BRWD1: variants seen among roughly 807,000 people sequenced by gnomAD.
BRWD1 encodes the protein bromodomain and WD repeat-containing protein 1.
Under a neutral mutation model 251.2 loss-of-function variants are expected in BRWD1, and 82 were observed. That is an observed-to-expected ratio of 0.33 (90% confidence interval 0.27 to 0.39). BRWD1 has a LOEUF of 0.39. BRWD1 is among the 10% of genes least tolerant of loss of function. The pLI, the probability that BRWD1 is intolerant of heterozygous loss-of-function variation, is 1.00. For synonymous variants in BRWD1, 918 were observed against 902.8 expected (o/e 1.02, Z -0.30); for missense variants, 2,233 against 2,711.6 (o/e 0.82, Z 3.92).
rs544257319 is a variant in BRWD1, at chr21:39,237,188, T to C, written c.2577-404A>G. On this transcript the variant is annotated intron_variant, in intron 22 of 40. Transcript: ENST00000342449. ...CCCCATGTTGGAGGAAGCTGAGGTA[T>C]AGACCAGGAATTTCAACTGGAATCA... Among the ~76,000 whole-genome samples the C allele has an allele frequency of 3.9e-4, 59 of 152,240 alleles. 1 individual carries two copies. The South Asian group carries it at 0.011, about 29-fold the overall frequency.
chr21:39,294,061 G>T, intron 7 of BRWD1, 29 bp from the exon 8 acceptor site: 3 of 1,562,418 alleles, frequency 1.9e-6, no homozygotes, highest in Non-Finnish European at 2.6e-6. Flanking sequence ...AAAAATTAAT[G>T]TTAGTACAGC....
At chr21:39,224,142 G>A (rs1004388737) in intron 29 of BRWD1, among the ~76,000 whole-genome samples, 3 of 152,170 alleles carry the variant, frequency 2.0e-5, no homozygotes, top group East Asian at 1.9e-4. Context: ...GAGCCATGGC[G>A]CCCAGCCAGG....
At chr21:39,255,549 T>C (rs1458335603) in intron 19 of BRWD1, 96 bp downstream of exon 19, 2 of 1,019,720 alleles carry the variant, frequency 2.0e-6, no homozygotes, top group Non-Finnish European at 2.9e-6. Context: ...ATTTATACAA[T>C]TATTTACACA....
At chr21:39,288,036 G>A (rs567566578) in intron 8 of BRWD1, among the ~76,000 whole-genome samples, 5 of 152,260 alleles carry the variant, frequency 3.3e-5, no homozygotes, top group African/African-American at 2.4e-5. Context: ...TCAAGGCTGA[G>A]AGATGCAGTC....
intron 10 of BRWD1, among the ~76,000 whole-genome samples, chr21:39,278,082 G>A (rs1194444218): frequency 6.6e-6 from 1 of 152,018 alleles, no homozygotes; most frequent in African/African-American, 2.4e-5. Flanking sequence ...TTCCTGGGCT[G>A]AAGCAATCCT....
chr21:39,231,694 C>G (rs1365188869), intron 25 of BRWD1, among the ~76,000 whole-genome samples: 2 of 152,174 alleles, frequency 1.3e-5, no homozygotes, highest in Non-Finnish European at 2.9e-5. Flanking sequence ...GTTAACAAAC[C>G]AACATCTTTG....
intron 40 of BRWD1, 40 bp from the exon 41 acceptor site, chr21:39,197,455 G>T: frequency 6.9e-7 from 1 of 1,449,354 alleles, no homozygotes; most frequent in Non-Finnish European, 9.3e-7. Flanking sequence ...TCTTTTGTAA[G>T]TCTAAAGGAA....
rs2031420683 is a variant in BRWD1 at position 39,189,305 on chromosome 21, A to C, written c.*6954T>G. Reference sequence around the variant, plus strand: ...AACCTATTCATCCAGACAAATAGATAAAATTCTATTTCAACTACAATTTGT... The same window carrying C: ...AACCTATTCATCCAGACAAATAGATCAAATTCTATTTCAACTACAATTTGT... On this transcript the variant is annotated 3_prime_UTR_variant, in exon 41 of 41. Coordinates refer to ENST00000342449, the MANE Select transcript of BRWD1 (RefSeq NM_033656.4). 2.0e-6 allele frequency: 2 copies of C among 984,818 alleles called. No homozygotes were observed. Among genetic ancestry groups the C allele is most frequent in the East Asian group, 2.3e-4 (2 of 8,804 alleles). The allele number at this position is 984,818 out of a possible 1,614,324, so 61.0% of individuals were successfully genotyped here. A position where few individuals can be genotyped will look rare whatever the true frequency, so the allele number is the denominator to read the frequency against.
At chr21:39,242,597 A>T (rs2034041947) in intron 21 of BRWD1, among the ~76,000 whole-genome samples, 3 of 152,360 alleles carry the variant, frequency 2.0e-5, no homozygotes, top group Non-Finnish European at 4.4e-5. Context: ...TGAAATAAAT[A>T]GCCTTCTATT....
At chr21:39,282,836 G>A (rs1197321059) in intron 8 of BRWD1, among the ~76,000 whole-genome samples, 2 of 151,740 alleles carry the variant, frequency 1.3e-5, no homozygotes, top group African/African-American at 2.4e-5. Flanking sequence ...GTGGGCGCCT[G>A]TAATCCCAAC....
At chr21:39,311,115 G>C (rs547781600) in intron 4 of BRWD1, among the ~76,000 whole-genome samples, 1 of 151,680 alleles carries the variant, frequency 6.6e-6, no homozygotes, top group Non-Finnish European at 1.5e-5. Context: ...TTAAACAATA[G>C]TAAGTAGGGT....
Position 39,296,374 on chromosome 21 carries a change from A to T in BRWD1, c.350-11T>A. ...CTGTGTGCCTGCAGTCTTTAAAATG[A>T]ATTTTAGATACACATAAAATCTTGA... On this transcript the variant is annotated splice_polypyrimidine_tract_variant and intron_variant, in intron 5 of 40. Coordinates refer to ENST00000342449, the MANE Select transcript of BRWD1 (RefSeq NM_033656.4). 6.4e-7 allele frequency: 1 copy of T among 1,551,052 alleles called. No individual in the cohort carries two copies. The highest frequency in any genetic ancestry group is 2.3e-5 in the East Asian group (1 of 42,862).
chr21:39,212,576 T>C (rs942976423), intron 34 of BRWD1, 90 bp downstream of exon 34: 36 of 1,060,400 alleles, frequency 3.4e-5, no homozygotes, highest in East Asian at 1.2e-4. Context: ...TACACTGATA[T>C]AACTTTTCAA....
chr21:39,276,297 C>A, intron 11 of BRWD1, 84 bp from the exon 12 acceptor site: 3 of 1,284,058 alleles, frequency 2.3e-6, no homozygotes, highest in Middle Eastern at 2.0e-4. Flanking sequence ...ATGCTAGAAG[C>A]CTATTTGCTT....
At position 39,194,592 on chromosome 21, in the gene BRWD1, C is replaced by A. The variant is rs1437834278; in HGVS notation, c.*1667G>T. The A allele has an allele frequency of 1.1e-5, 16 of 1,483,810 alleles. No individual in the cohort carries two copies. The highest frequency in any genetic ancestry group is 1.4e-5 in the Non-Finnish European group (16 of 1,121,658). The allele number at this position is 1,483,810 out of a possible 1,614,324, so 91.9% of individuals were successfully genotyped here. ...GTTGATAATGTCCAAAAACATCCTT[C>A]CCCATGCATCAGAGTAGAAAGAAAA... On this transcript the variant is annotated 3_prime_UTR_variant, in exon 41 of 41. Transcript: ENST00000342449.
chr21:39,290,859 C>T (rs895340823), intron 8 of BRWD1, among the ~76,000 whole-genome samples: 4 of 152,032 alleles, frequency 2.6e-5, no homozygotes, highest in Non-Finnish European at 2.9e-5. Context: ...CAGCAAGGCA[C>T]GGTGGCTCAG....
chr21:39,276,307 T>C, intron 11 of BRWD1, 94 bp from the exon 12 acceptor site: 1 of 1,137,882 alleles, frequency 8.8e-7, no homozygotes, highest in Non-Finnish European at 1.2e-6. Flanking sequence ...CCTATTTGCT[T>C]TAACAAGCAA....
chr21:39,210,228 G>A lies in BRWD1; in HGVS notation c.4045-81C>T, dbSNP rs536013061. The A allele has an allele frequency of 3.9e-5, 46 of 1,186,356 alleles. No individual in the cohort carries two copies. In the African/African-American group the frequency reaches 6.4e-4, roughly 17 times the overall value. The allele number at this position is 1,186,356 out of a possible 1,614,324, so 73.5% of individuals were successfully genotyped here. ...TAAATGCATCAGATCTCTAAAAAAT[G>A]TGAAATGATGGAAGAGAGGAAAAGG... is the stretch of plus-strand genomic sequence containing the variant. On this transcript the variant is annotated intron_variant, in intron 35 of 40. Coordinates refer to ENST00000342449, the MANE Select transcript of BRWD1 (RefSeq NM_033656.4).
chr21:39,302,736 C>CA (rs1443401381), intron 4 of BRWD1, among the ~76,000 whole-genome samples: 1 of 132,304 alleles, frequency 7.6e-6, no homozygotes, highest in African/African-American at 3.0e-5. Flanking sequence ...TCCTAGGTGA[C>CA]AGAGTGAGAC....
Sources: allele counts gnomAD v4.1 joint callset (sites outside exome capture counted in the v4.1 genomes callset), GRCh38; gene constraint gnomAD v4.1.1; transcripts MANE v1.5; gene names NCBI Gene and HGNC (gene_info 2026-07-23, HGNC 2026-07-21).